Variants in ZFPM2 observed in about 807,000 individuals in gnomAD.
ZFPM2 encodes zinc finger protein, FOG family member 2, also known as zinc finger protein ZFPM2.
In ZFPM2, 20 loss-of-function variants were observed where a neutral mutation model predicts 98.6. The ratio of observed to expected loss-of-function variants is 0.20; its 90% CI spans 0.14 to 0.29. The LOEUF is 0.29. Among genes scored for constraint, ZFPM2 ranks in the 10% least tolerant of loss-of-function variants. The pLI is 1.00. For missense variants in ZFPM2, 1,310 were observed against 1,388.6 expected (o/e 0.94, Z 0.90); for synonymous variants, 518 against 502.7 (o/e 1.03, Z -0.41).
In ZFPM2 at chr8:105,634,311, G is replaced by T. The variant is rs761711851; in HGVS notation, c.486G>T (p.Trp162Cys). 1 of 1,613,070 alleles carries T rather than the reference G, an allele frequency of 6.2e-7. No individual in the cohort carries two copies. Among genetic ancestry groups the T allele is most frequent in the African/African-American group, 1.3e-5 (1 of 75,016 alleles). The stretch of plus-strand genomic sequence containing the variant: ...CCAAGTGGTTGCTGGATGTGACTTG[G>T]CAAGGAGTGGAAGACAACAAAAACA... ...AGPKWLLDVT[W>C]QGVEDNKNNC... The change falls in exon 5 of 8, where the codon TGG becomes TGT. Residue 162 changes from tryptophan (W) to cysteine (C), a missense_variant. Coordinates refer to ENST00000407775, the MANE Select transcript of ZFPM2 (RefSeq NM_012082.4).
chr8:105,498,127 G>A (rs1813513980), intron 3 of ZFPM2, among the ~76,000 whole-genome samples: 3 of 151,946 alleles, frequency 2.0e-5, no homozygotes, highest in African/African-American at 7.3e-5. Context: ...GAGCCCAGGA[G>A]GTTGAGGCTG....
chr8:105,775,764 C>A (rs1308608336), intron 5 of ZFPM2, among the ~76,000 whole-genome samples: 1 of 152,090 alleles, frequency 6.6e-6, no homozygotes, highest in Non-Finnish European at 1.5e-5. Flanking sequence ...CGCAAGTTTC[C>A]GCAAAGCACT....
At chr8:105,441,701 G>C (rs1348868381) in intron 2 of ZFPM2, among the ~76,000 whole-genome samples, 2 of 152,056 alleles carry the variant, frequency 1.3e-5, no homozygotes, top group Non-Finnish European at 2.9e-5. Flanking sequence ...CATGACATTA[G>C]TTCAGTACTT....
At chr8:105,705,107 C>T (rs1335666352) in intron 5 of ZFPM2, among the ~76,000 whole-genome samples, 1 of 151,948 alleles carries the variant, frequency 6.6e-6, no homozygotes, top group African/African-American at 2.4e-5. Context: ...AGCATGTTAT[C>T]ATATTAAATT....
intron 4 of ZFPM2, among the ~76,000 whole-genome samples, chr8:105,631,893 T>C (rs562605840): frequency 6.6e-6 from 1 of 152,288 alleles, no homozygotes; most frequent in East Asian, 1.9e-4. Context: ...ATTTACTGTG[T>C]CGAAATTCAT....
chr8:105,544,995 T>C (rs1415143623), intron 3 of ZFPM2, among the ~76,000 whole-genome samples: 3 of 152,170 alleles, frequency 2.0e-5, no homozygotes, highest in Non-Finnish European at 4.4e-5. Context: ...ATAATTTACA[T>C]TAAAAATGTT....
At chr8:105,790,638 T>C (rs1423776183) in intron 6 of ZFPM2, among the ~76,000 whole-genome samples, 4 of 152,200 alleles carry the variant, frequency 2.6e-5, no homozygotes, top group Non-Finnish European at 4.4e-5. Flanking sequence ...AAGGAAGTCA[T>C]TGGTAGCTTG....
intron 4 of ZFPM2, among the ~76,000 whole-genome samples, chr8:105,568,551 A>G (rs955203541): frequency 6.6e-6 from 1 of 152,134 alleles, no homozygotes; most frequent in African/African-American, 2.4e-5. Context: ...ATGTCCAGAA[A>G]CCAAGCATCA....
chr8:105,788,390 G>C (rs1813486816), intron 5 of ZFPM2, among the ~76,000 whole-genome samples: 1 of 152,142 alleles, frequency 6.6e-6, no homozygotes, highest in Non-Finnish European at 1.5e-5. Flanking sequence ...CTGGTTTTTA[G>C]GTACTGTCTC....
In ZFPM2 at chr8:105,471,883, A is replaced by G. The variant is rs1812911117; in HGVS notation, c.301+27502A>G. On this transcript the variant is annotated intron_variant, in intron 3 of 7. Transcript: ENST00000407775. Reference sequence around the variant, plus strand: ...GCATGGTCTCCTTATCATAAAAAGAATTTAGATTAAGCTGCCAGGGTTTGA... The same window carrying G: ...GCATGGTCTCCTTATCATAAAAAGAGTTTAGATTAAGCTGCCAGGGTTTGA... 1.3e-5 allele frequency among the ~76,000 whole-genome samples: 2 copies of G among 152,184 alleles called. 1 individual carries two copies. The highest frequency in any genetic ancestry group is 2.9e-5 in the Non-Finnish European group (2 of 68,032).
intron 4 of ZFPM2, among the ~76,000 whole-genome samples, chr8:105,564,828 T>C (rs1815211192): frequency 6.6e-6 from 1 of 152,184 alleles, no homozygotes; most frequent in African/African-American, 2.4e-5. Context: ...AAAATATTTA[T>C]TATGTAATTA....
chr8:105,632,873 T>G (rs536456387), intron 4 of ZFPM2, among the ~76,000 whole-genome samples: 4 of 152,358 alleles, frequency 2.6e-5, no homozygotes, highest in Non-Finnish European at 5.9e-5. Context: ...AGTTATAGTT[T>G]ATACTCTGTT....
chr8:105,565,893 A>G (rs1049793535), intron 4 of ZFPM2, among the ~76,000 whole-genome samples: 9 of 152,166 alleles, frequency 5.9e-5, no homozygotes, highest in Non-Finnish European at 1.0e-4. Context: ...ATGTGTACGT[A>G]TATAGCCAGA....
At chr8:105,640,056 G>A (rs1017144618) in intron 5 of ZFPM2, among the ~76,000 whole-genome samples, 7 of 151,660 alleles carry the variant, frequency 4.6e-5, no homozygotes, top group Admixed American at 2.0e-4. Flanking sequence ...ATCACTTTAC[G>A]TACATTTTCT....
chr8:105,542,830 T>A (rs1814609060), intron 3 of ZFPM2, among the ~76,000 whole-genome samples: 1 of 152,216 alleles, frequency 6.6e-6, no homozygotes, highest in African/African-American at 2.4e-5. Context: ...TGGTATAATA[T>A]CACAACCAAG....
At chr8:105,659,769 A>C (rs9643018) in intron 5 of ZFPM2, among the ~76,000 whole-genome samples, 6 of 152,206 alleles carry the variant, frequency 3.9e-5, no homozygotes, top group Admixed American at 2.6e-4. Flanking sequence ...CTTTTTAGAC[A>C]AGGATAATAA....
At chr8:105,434,991 G>C (rs1812092217) in intron 2 of ZFPM2, among the ~76,000 whole-genome samples, 1 of 152,150 alleles carries the variant, frequency 6.6e-6, no homozygotes, top group Non-Finnish European at 1.5e-5. Context: ...ATTTTTGCCT[G>C]GCGAGTGGAG....
intron 1 of ZFPM2, chr8:105,414,834 A>C (rs1340394572): frequency 6.6e-6 from 1 of 152,196 alleles, no homozygotes; most frequent in East Asian, 1.9e-4. Flanking sequence ...GGGTTAGACT[A>C]TTTAATCTTT....
At chr8:105,698,739 C>T (rs1811074834) in intron 5 of ZFPM2, among the ~76,000 whole-genome samples, 1 of 152,098 alleles carries the variant, frequency 6.6e-6, no homozygotes, top group Non-Finnish European at 1.5e-5. Context: ...TGACAATAAA[C>T]ATTGGTTATA....
Sources: allele counts gnomAD v4.1 joint callset (sites outside exome capture counted in the v4.1 genomes callset), GRCh38; gene constraint gnomAD v4.1.1; transcripts MANE v1.5; gene names NCBI Gene and HGNC (gene_info 2026-07-23, HGNC 2026-07-21).